The following CSMD1 variants were observed in gnomAD, a reference collection of about 807,000 sequenced individuals.
CSMD1 encodes CUB and sushi domain-containing protein 1.
In CSMD1, 213 loss-of-function variants were observed where a neutral mutation model predicts 417.5. The ratio of observed to expected loss-of-function variants is 0.51; its 90% CI spans 0.46 to 0.57. CSMD1 has a LOEUF of 0.57. Among genes scored for constraint, CSMD1 ranks in the 20% least tolerant of loss-of-function variants. The probability of loss-of-function intolerance (pLI) is 0.00; values close to 1 mark genes in which losing one functional copy is unlikely to be tolerated. For synonymous variants in CSMD1, 2,862 were observed against 1,736.8 expected (o/e 1.65, Z -16.11); for missense variants, 6,923 against 4,529.7 (o/e 1.53, Z -15.17).
intron 6 of CSMD1, among the ~76,000 whole-genome samples, chr8:3,734,815 G>T (rs1457001117): frequency 6.6e-6 from 1 of 152,176 alleles, no homozygotes; most frequent in Non-Finnish European, 1.5e-5. Flanking sequence ...CCCCGTGACG[G>T]GGATACCTTC....
intron 12 of CSMD1, among the ~76,000 whole-genome samples, chr8:3,432,391 C>G (rs1247071225): frequency 6.6e-6 from 1 of 151,882 alleles, no homozygotes; most frequent in Non-Finnish European, 1.5e-5. Context: ...ACAGTTCCTG[C>G]TTAGCTTTTG....
intron 15 of CSMD1, among the ~76,000 whole-genome samples, chr8:3,400,741 G>A (rs539621755): frequency 4.7e-4 from 71 of 151,678 alleles, no homozygotes; most frequent in African/African-American, 1.7e-3. Flanking sequence ...CACGGCAGTG[G>A]AAATTAAAAA....
chr8:3,667,826 C>G (rs954651160), intron 7 of CSMD1, among the ~76,000 whole-genome samples: 2 of 152,176 alleles, frequency 1.3e-5, no homozygotes, highest in African/African-American at 4.8e-5. Flanking sequence ...TCATGAACAG[C>G]AGGCATCCTG....
At chr8:3,663,424 C>G (rs770808075) in intron 7 of CSMD1, among the ~76,000 whole-genome samples, 11 of 152,150 alleles carry the variant, frequency 7.2e-5, no homozygotes, top group Admixed American at 1.3e-4. Flanking sequence ...ACAGGAAGGA[C>G]TCAAGAGAAC....
chr8:3,224,073 A>G (rs1161170231), intron 27 of CSMD1, among the ~76,000 whole-genome samples: 1 of 152,194 alleles, frequency 6.6e-6, no homozygotes, highest in Non-Finnish European at 1.5e-5. Flanking sequence ...CTGTTAATGA[A>G]TTTTACATAA....
intron 5 of CSMD1, among the ~76,000 whole-genome samples, chr8:3,931,710 G>A (rs1810157709): frequency 6.7e-6 from 1 of 149,012 alleles, no homozygotes; most frequent in Non-Finnish European, 1.5e-5. Context: ...TTTAGAAGAA[G>A]GACAGCATTA....
At chr8:4,421,574 CTTCT>C (rs200293013) in intron 2 of CSMD1, among the ~76,000 whole-genome samples, 1,724 of 152,066 alleles carry the variant, frequency 0.011, 43 homozygotes, top group African/African-American at 0.038. Flanking sequence ...AAACAACACA[CTTCT>C]AAATAATCCA....
chr8:4,834,809 TA>T (rs1376144355), intron 1 of CSMD1, among the ~76,000 whole-genome samples: 2 of 150,756 alleles, frequency 1.3e-5, no homozygotes, highest in Non-Finnish European at 3.0e-5. Context: ...ACAAAAAAAT[TA>T]GCCGGGCGTG....
chr8:4,114,498 A>C (rs1392701960), intron 3 of CSMD1, among the ~76,000 whole-genome samples: 1 of 152,228 alleles, frequency 6.6e-6, no homozygotes, highest in East Asian at 1.9e-4. Flanking sequence ...CAGCTAATAA[A>C]ATATCCATTC....
intron 6 of CSMD1, among the ~76,000 whole-genome samples, chr8:3,711,940 C>T (rs538921453): frequency 3.9e-5 from 6 of 152,262 alleles, no homozygotes; most frequent in African/African-American, 9.6e-5. Flanking sequence ...ACAGAAAATT[C>T]GAGTAGTCTC....
intron 10 of CSMD1, among the ~76,000 whole-genome samples, chr8:3,571,014 G>A (rs1585387914): frequency 6.6e-6 from 1 of 152,278 alleles, no homozygotes; most frequent in Middle Eastern, 3.4e-3. Flanking sequence ...TGTATAATCT[G>A]GATTTAAATG....
chr8:3,763,306 G>A (rs1021461349), intron 5 of CSMD1, among the ~76,000 whole-genome samples: 1 of 152,168 alleles, frequency 6.6e-6, no homozygotes, highest in African/African-American at 2.4e-5. Context: ...ATGATTGCCG[G>A]TATTGGAGGT....
At chr8:3,483,260 T>A (rs112089073) in intron 11 of CSMD1, among the ~76,000 whole-genome samples, 1 of 151,892 alleles carries the variant, frequency 6.6e-6, no homozygotes, top group East Asian at 1.9e-4. Context: ...GAGAGAGAGA[T>A]AGAAGGGAAC....
At chr8:4,519,147 A>C (rs62479739) in intron 2 of CSMD1, among the ~76,000 whole-genome samples, 12,416 of 152,204 alleles carry the variant, frequency 0.082, 608 homozygotes, top group Middle Eastern at 0.13. Context: ...TTTTGCATTA[A>C]TGTGTTAAAT....
At chr8:4,832,598 AGC>A (rs1800219072) in intron 1 of CSMD1, among the ~76,000 whole-genome samples, 1 of 152,210 alleles carries the variant, frequency 6.6e-6, no homozygotes, top group Non-Finnish European at 1.5e-5. Context: ...AATTATTACT[AGC>A]TGACACTTAG....
At chr8:3,932,847 T>A (rs532213066) in intron 5 of CSMD1, among the ~76,000 whole-genome samples, 1 of 150,522 alleles carries the variant, frequency 6.6e-6, no homozygotes, top group African/African-American at 2.4e-5. Context: ...CTATTGTTAT[T>A]AGATTTCACT....
chr8:3,823,792 A>C (rs1157994376), intron 5 of CSMD1, among the ~76,000 whole-genome samples: 5 of 152,180 alleles, frequency 3.3e-5, no homozygotes, highest in Admixed American at 1.3e-4. Context: ...GGTCAGTTTA[A>C]CATAAATATG....
At chr8:4,560,137 G>T (rs563640274) in intron 2 of CSMD1, among the ~76,000 whole-genome samples, 1 of 152,318 alleles carries the variant, frequency 6.6e-6, no homozygotes, top group East Asian at 1.9e-4. Context: ...GCTCCAGGAA[G>T]CAGCATATGC....
chr8:4,381,058 G>T (rs1192622203), intron 3 of CSMD1, among the ~76,000 whole-genome samples: 2 of 152,098 alleles, frequency 1.3e-5, no homozygotes, highest in African/African-American at 4.8e-5. Context: ...TGAGTATTGT[G>T]GGTTATATTA....
Sources: allele counts gnomAD v4.1 joint callset (sites outside exome capture counted in the v4.1 genomes callset), GRCh38; gene constraint gnomAD v4.1.1; transcripts MANE v1.5; gene names NCBI Gene and HGNC (gene_info 2026-07-23, HGNC 2026-07-21).